PVT1: variants seen among roughly 807,000 people sequenced by gnomAD.
PVT1 encodes the protein Pvt1 oncogene, also known as CXCR4/PVT1 fusion.
At chr8:127,927,299 G>A (rs1269845685) in intron 3 of PVT1, among the ~76,000 whole-genome samples, 1 of 152,238 alleles carries the variant, frequency 6.6e-6, no homozygotes, top group Non-Finnish European at 1.5e-5. Flanking sequence ...CATCCAGAAG[G>A]AGTCCTGGGC....
At chr8:127,895,836 G>A (rs571544212) in intron 3 of PVT1, among the ~76,000 whole-genome samples, 18 of 152,318 alleles carry the variant, frequency 1.2e-4, no homozygotes, top group African/African-American at 4.1e-4. Context: ...AGGCCACACA[G>A]CTCTGTACTG....
intron 2 of PVT1, among the ~76,000 whole-genome samples, chr8:127,823,759 A>G (rs963716462): frequency 4.6e-5 from 7 of 152,338 alleles, no homozygotes; most frequent in African/African-American, 7.2e-5. Context: ...GTTAATTCCA[A>G]CAATTGATAA....
intron 4 of PVT1, among the ~76,000 whole-genome samples, chr8:128,009,366 T>C (rs1393806430): frequency 1.3e-4 from 20 of 152,196 alleles, no homozygotes; most frequent in Admixed American, 1.3e-3. Flanking sequence ...ATGTCCTGCA[T>C]AAGAACAAGT....
intron 3 of PVT1, among the ~76,000 whole-genome samples, chr8:127,925,503 C>T (rs1816119060): frequency 6.6e-6 from 1 of 152,178 alleles, no homozygotes; most frequent in Admixed American, 6.5e-5. Context: ...ACACGCCATT[C>T]AGCTTTTATT....
At chr8:127,984,881 C>CT (rs1160406445) in intron 3 of PVT1, among the ~76,000 whole-genome samples, 33 of 93,300 alleles carry the variant, frequency 3.5e-4, no homozygotes, top group African/African-American at 1.3e-3. Context: ...TTCTTTCTTT[C>CT]TTTCTTTCTT....
At chr8:127,968,812 C>T (rs939165687) in intron 3 of PVT1, among the ~76,000 whole-genome samples, 4 of 152,102 alleles carry the variant, frequency 2.6e-5, no homozygotes, top group African/African-American at 9.7e-5. Flanking sequence ...TGGATACAGA[C>T]ACACTCTGGG....
chr8:127,957,262 A>G (rs1290162618), intron 3 of PVT1, among the ~76,000 whole-genome samples: 2 of 152,138 alleles, frequency 1.3e-5, no homozygotes, highest in African/African-American at 4.8e-5. Context: ...CTCAAGTTTC[A>G]GGGGTGGTTT....
chr8:127,899,949 G>T (rs185247151), intron 3 of PVT1, among the ~76,000 whole-genome samples: 1 of 152,224 alleles, frequency 6.6e-6, no homozygotes, highest in Non-Finnish European at 1.5e-5. Flanking sequence ...AACAAAAGCC[G>T]TATTCCCACC....
intron 2 of PVT1, among the ~76,000 whole-genome samples, chr8:127,886,459 G>C (rs1586421938): frequency 6.6e-6 from 1 of 152,038 alleles, no homozygotes; most frequent in East Asian, 1.9e-4. Context: ...ATGTCTGTTA[G>C]GCTTTTTGAT....
At chr8:127,963,617 A>C (rs1816671448) in intron 3 of PVT1, among the ~76,000 whole-genome samples, 1 of 151,748 alleles carries the variant, frequency 6.6e-6, no homozygotes, top group Non-Finnish European at 1.5e-5. Context: ...ACAAATATTG[A>C]AACCAACTTT....
intron 3 of PVT1, among the ~76,000 whole-genome samples, chr8:127,974,791 A>G (rs1033734015): frequency 3.3e-5 from 5 of 152,248 alleles, no homozygotes; most frequent in Non-Finnish European, 5.9e-5. Flanking sequence ...AAACAAAATC[A>G]GTAACTCTTC....
intron 3 of PVT1, among the ~76,000 whole-genome samples, chr8:127,924,055 G>T (rs1816096669): frequency 6.6e-6 from 1 of 152,216 alleles, no homozygotes; most frequent in African/African-American, 2.4e-5. Flanking sequence ...CCGGGGGTCA[G>T]AGATTTGGGG....
intron 3 of PVT1, among the ~76,000 whole-genome samples, chr8:127,933,461 G>C (rs1816235277): frequency 6.6e-6 from 1 of 152,186 alleles, no homozygotes; most frequent in Non-Finnish European, 1.5e-5. Flanking sequence ...CCTATTCTCT[G>C]CTTTCCCATG....
chr8:127,915,620 A>G (rs1815974777), intron 3 of PVT1, among the ~76,000 whole-genome samples: 1 of 151,256 alleles, frequency 6.6e-6, no homozygotes, highest in Non-Finnish European at 1.5e-5. Context: ...CTCAAAAAAA[A>G]AAAAAAAAAA....
intron 4 of PVT1, among the ~76,000 whole-genome samples, chr8:128,057,677 T>C (rs1244163421): frequency 6.6e-6 from 1 of 152,180 alleles, no homozygotes; most frequent in East Asian, 1.9e-4. Context: ...ATAAACATGC[T>C]TTCCTCCCTG....
intron 3 of PVT1, among the ~76,000 whole-genome samples, chr8:127,937,580 C>CAGAGAGAGAGAG (rs1554598547): frequency 4.8e-4 from 52 of 107,862 alleles, no homozygotes; most frequent in African/African-American, 1.2e-3. Flanking sequence ...CACACACACA[C>CAGAGAGAGAGAG]AGAGAGAGAG....
intron 3 of PVT1, among the ~76,000 whole-genome samples, chr8:127,972,730 C>T (rs1563653992): frequency 6.6e-6 from 1 of 152,008 alleles, no homozygotes; most frequent in Non-Finnish European, 1.5e-5. Context: ...CAGTGCAAGA[C>T]TCTGTCTCAA....
chr8:127,907,308 T>G (rs1412709603), intron 3 of PVT1, among the ~76,000 whole-genome samples: 1 of 152,152 alleles, frequency 6.6e-6, no homozygotes, highest in African/African-American at 2.4e-5. Flanking sequence ...ACCGCCTGCT[T>G]CCTACCCCAG....
chr8:127,936,819 G>A (rs905566901), intron 3 of PVT1, among the ~76,000 whole-genome samples: 2 of 152,136 alleles, frequency 1.3e-5, no homozygotes, highest in Non-Finnish European at 2.9e-5. Context: ...CCTCCCGTGG[G>A]ACTTGGCATG....
Sources: allele counts gnomAD v4.1 joint callset (sites outside exome capture counted in the v4.1 genomes callset), GRCh38; gene constraint gnomAD v4.1.1; transcripts MANE v1.5; gene names NCBI Gene and HGNC (gene_info 2026-07-23, HGNC 2026-07-21).